Variants in UBXN2A observed in about 807,000 individuals in gnomAD.
UBXN2A encodes the protein UBX domain-containing protein 2A.
A neutral mutation model predicts 28.4 loss-of-function variants in UBXN2A; 28 were observed. The observed-to-expected ratio is 0.99, with a 90% confidence interval of 0.73 to 1.35. The LOEUF (loss-of-function observed/expected upper bound fraction) is 1.35. Among genes scored for constraint, UBXN2A ranks in the 40% most tolerant of loss-of-function variants. UBXN2A has a pLI of 0.00. For synonymous variants in UBXN2A, 97 were observed against 103.6 expected, an observed-to-expected ratio of 0.94 and a Z score of 0.39; for missense variants, 253 against 297.9, an observed-to-expected ratio of 0.85 and a Z score of 1.11.
intron 6 of UBXN2A, among the ~76,000 whole-genome samples, chr2:23,993,452 G>A (rs1708422258): frequency 1.3e-5 from 2 of 151,850 alleles, no homozygotes; most frequent in Non-Finnish European, 2.9e-5. Context: ...TCACCTGCTG[G>A]GATTATAGGC....
At position 23,984,740 on chromosome 2, in the gene UBXN2A, G is replaced by C. The variant is rs1708054660; in HGVS notation, c.493G>C (p.Val165Leu). Reference sequence around the variant, plus strand: ...TGAAAATAAAAATAATTTGTCTGCTGTTCCACTGAACAACTTGGAACCCAT... The same window carrying C: ...TGAAAATAAAAATAATTTGTCTGCTCTTCCACTGAACAACTTGGAACCCAT... ...EVENKNNLSA[V>L]PLNNLEPITN... Residue 165 changes from valine (V) to leucine (L), a missense_variant, in exon 6 of 7, where the codon GTT (valine) becomes CTT (leucine). Physicochemically the swap from Val to Leu is conservative, Grantham distance 32. Coordinates refer to ENST00000309033, the MANE Select transcript of UBXN2A (RefSeq NM_181713.4). The C allele has an allele frequency of 1.3e-6, 2 of 1,565,146 alleles. No individual in the cohort carries two copies.
chr2:23,960,255 CAAA>C (rs557508851), intron 2 of UBXN2A, among the ~76,000 whole-genome samples: 1 of 146,382 alleles, frequency 6.8e-6, no homozygotes, highest in Admixed American at 6.9e-5. Context: ...GACTCTGTCT[CAAA>C]AAAAAACAAA....
intron 1 of UBXN2A, among the ~76,000 whole-genome samples, chr2:23,942,689 G>A (rs549968509): frequency 1.8e-4 from 28 of 151,958 alleles, no homozygotes; most frequent in Middle Eastern, 3.4e-3. Flanking sequence ...AGAGTGCTGG[G>A]ATTACAGACG....
Position 23,948,877 on chromosome 2 carries a change from T to C in UBXN2A, c.-15+8229T>C, listed in dbSNP as rs527843250. 7.2e-5 allele frequency among the ~76,000 whole-genome samples: 11 copies of C among 152,016 alleles called. No homozygotes were observed. In the East Asian group the frequency reaches 2.1e-3, roughly 29 times the overall value. On this transcript the variant is annotated intron_variant, in intron 1 of 6. Transcript: ENST00000309033. ...AAATGATGGAAAAAAGTATTTGTAA[T>C]TTCCTAGAGAACAATAACCTATTAC... is the stretch of plus-strand genomic sequence containing the variant.
chr2:23,999,911 G>C lies in UBXN2A; in HGVS notation c.*44G>C, dbSNP rs762603745. On this transcript the variant is annotated 3_prime_UTR_variant, in exon 7 of 7. Coordinates refer to ENST00000309033, the MANE Select transcript of UBXN2A (RefSeq NM_181713.4). ...GAAAATTTGCAGAGAAATGATGGTT[G>C]TAAGTGGACATGCAAACCAAAATTG... The C allele has an allele frequency of 5.0e-6, 8 of 1,589,688 alleles. No homozygotes were observed. In the Admixed American group the frequency reaches 5.4e-5, roughly 11 times the overall value.
At chr2:23,930,078 C>T (rs577594050) in intron 1 of UBXN2A, among the ~76,000 whole-genome samples, 2 of 152,100 alleles carry the variant, frequency 1.3e-5, no homozygotes, top group African/African-American at 2.4e-5. Context: ...TTAGTAGAGA[C>T]GAGGTTTCAC....
intron 1 of UBXN2A, among the ~76,000 whole-genome samples, chr2:23,934,276 GTAGT>G (rs1705461138): frequency 6.6e-6 from 1 of 152,166 alleles, no homozygotes; most frequent in Admixed American, 6.5e-5. Flanking sequence ...CTAGCCACAT[GTAGT>G]TATTTAAATT....
chr2:23,971,166 C>A, intron 2 of UBXN2A, 110 bp from the exon 3 acceptor site: 1 of 1,236,428 alleles, frequency 8.1e-7, no homozygotes, highest in Non-Finnish European at 1.1e-6. Context: ...AGGGCCTGAA[C>A]TACAGACATG....
At chr2:23,980,218 T>G (rs1375103674) in intron 4 of UBXN2A, among the ~76,000 whole-genome samples, 2 of 152,194 alleles carry the variant, frequency 1.3e-5, no homozygotes, top group Non-Finnish European at 1.5e-5. Context: ...TCTACTCATT[T>G]TCACATTTTG....
At chr2:23,976,494 T>G (rs568638644) in intron 3 of UBXN2A, among the ~76,000 whole-genome samples, 1 of 152,306 alleles carries the variant, frequency 6.6e-6, no homozygotes, top group South Asian at 2.1e-4. Context: ...TTAATTTGAC[T>G]TAGTTCCACA....
chr2:23,951,633 G>A (rs1406993359), intron 1 of UBXN2A, among the ~76,000 whole-genome samples: 1 of 151,644 alleles, frequency 6.6e-6, no homozygotes, highest in Non-Finnish European at 1.5e-5. Flanking sequence ...GCTAATTTTT[G>A]TGTTTTTAGT....
At chr2:23,977,788 C>G (rs1707733436) in intron 4 of UBXN2A, among the ~76,000 whole-genome samples, 1 of 152,132 alleles carries the variant, frequency 6.6e-6, no homozygotes, top group Non-Finnish European at 1.5e-5. Context: ...TTCTTTTGTA[C>G]ATTCACATTT....
chr2:23,942,910 T>A (rs977489640), intron 1 of UBXN2A, among the ~76,000 whole-genome samples: 1 of 152,022 alleles, frequency 6.6e-6, no homozygotes, highest in African/African-American at 2.4e-5. Context: ...CGTTTAAAGG[T>A]TTACCTCCGT....
At chr2:23,963,763 T>C (rs1166853139) in intron 2 of UBXN2A, among the ~76,000 whole-genome samples, 2 of 152,082 alleles carry the variant, frequency 1.3e-5, no homozygotes, top group Non-Finnish European at 1.5e-5. Flanking sequence ...AAAAATAGAA[T>C]TGCCACAGAA....
intron 6 of UBXN2A, among the ~76,000 whole-genome samples, chr2:23,994,065 A>G (rs17046018): frequency 0.015 from 2,259 of 152,192 alleles, 22 homozygotes; most frequent in Non-Finnish European, 0.022. Context: ...TTTAAAGACC[A>G]TTTTCACTAG....
intron 1 of UBXN2A, among the ~76,000 whole-genome samples, chr2:23,951,973 T>C (rs1706395558): frequency 6.6e-6 from 1 of 150,388 alleles, no homozygotes; most frequent in African/African-American, 2.4e-5. Context: ...TTTCCTTTTT[T>C]TTTTTTTTTT....
At position 24,001,774 on chromosome 2, in the gene UBXN2A, A is replaced by G. The variant is rs868232638; in HGVS notation, c.*1907A>G. On this transcript the variant is annotated 3_prime_UTR_variant, in exon 7 of 7. Transcript: ENST00000309033. ...AGTGATTGAGACCATCCTGTCCAAC[A>G]TGGTGAATCCCCGTCTCTACTAAAA... is the stretch of plus-strand genomic sequence containing the variant. 1.3e-5 allele frequency: 2 copies of G among 152,016 alleles called. No individual in the cohort carries two copies. The highest frequency in any genetic ancestry group is 3.4e-3 in the Middle Eastern group (1 of 294). 9.4% of individuals were successfully genotyped at this position (152,016 alleles called of 1,614,324 possible).
chr2:23,966,596 G>T (rs1419225569), intron 2 of UBXN2A, among the ~76,000 whole-genome samples: 1 of 149,708 alleles, frequency 6.7e-6, no homozygotes, highest in Non-Finnish European at 1.5e-5. Flanking sequence ...GGGACTACAG[G>T]CGCCCGCCAC....
chr2:23,979,621 T>G (rs1480665663), intron 4 of UBXN2A, among the ~76,000 whole-genome samples: 1 of 152,198 alleles, frequency 6.6e-6, no homozygotes, highest in Non-Finnish European at 1.5e-5. Flanking sequence ...GAGGCTGGAG[T>G]GCAGTGGCAC....
Sources: allele counts gnomAD v4.1 joint callset (sites outside exome capture counted in the v4.1 genomes callset), GRCh38; gene constraint gnomAD v4.1.1; transcripts MANE v1.5; gene names NCBI Gene and HGNC (gene_info 2026-07-23, HGNC 2026-07-21).